Variants in ACSBG2 observed in about 807,000 individuals in gnomAD.
The protein encoded by ACSBG2 is acyl-CoA synthetase bubblegum family member 2.
In ACSBG2, 62 loss-of-function variants were observed where a neutral mutation model predicts 74.7. The ratio of observed to expected loss-of-function variants is 0.83; its 90% CI spans 0.68 to 1.03. The LOEUF (loss-of-function observed/expected upper bound fraction) is 1.03. ACSBG2 is among the 50% of genes least tolerant of loss of function. The pLI, the probability that ACSBG2 is intolerant of heterozygous loss-of-function variation, is 0.00. For synonymous variants in ACSBG2, 309 were observed against 294.1 expected, an observed-to-expected ratio of 1.05 and a Z score of -0.52; for missense variants, 730 against 817.6, an observed-to-expected ratio of 0.89 and a Z score of 1.31.
intron 1 of ACSBG2, among the ~76,000 whole-genome samples, chr19:6,138,173 T>C (rs543204373): frequency 1.3e-5 from 2 of 152,318 alleles, no homozygotes; most frequent in African/African-American, 4.8e-5. Context: ...TTCCTTTCTC[T>C]AACTTCACCC....
intron 7 of ACSBG2, among the ~76,000 whole-genome samples, chr19:6,176,826 A>G (rs1016783536): frequency 6.6e-6 from 1 of 152,124 alleles, no homozygotes; most frequent in African/African-American, 2.4e-5. Context: ...ATAAGTGTTT[A>G]CTTAATTAGT....
intron 3 of ACSBG2, among the ~76,000 whole-genome samples, chr19:6,150,340 CAAAA>C (rs780596761): frequency 4.4e-5 from 3 of 68,386 alleles, no homozygotes; most frequent in Non-Finnish European, 6.4e-5. Flanking sequence ...GGATATTTAA[CAAAA>C]AAAAAAAAAA....
intron 4 of ACSBG2, among the ~76,000 whole-genome samples, chr19:6,156,130 C>A (rs1312240086): frequency 6.6e-6 from 1 of 152,062 alleles, no homozygotes; most frequent in Non-Finnish European, 1.5e-5. Flanking sequence ...AGGTCTAACA[C>A]CTACTTGCTG....
chr19:6,165,975 CCA>C lies in ACSBG2; in HGVS notation c.701_702del (p.Thr234ArgfsTer11). On this transcript the variant is annotated frameshift_variant, in exon 7 of 15. Coordinates refer to ENST00000588485, the MANE Select transcript of ACSBG2 (RefSeq NM_030924.5). LOFTEE classifies it high-confidence loss of function. The stretch of plus-strand genomic sequence containing the variant: ...GCAGTGCTCATCTACACTTCAGGGA[CCA>C]CAGGCATACCCAAGGGAGTGATGCT... 1 of 1,614,130 alleles carries C rather than the reference CCA, an allele frequency of 6.2e-7. No homozygotes were observed. Among genetic ancestry groups the C allele is most frequent in the Non-Finnish European group, 8.5e-7 (1 of 1,179,990 alleles).
At chr19:6,138,759 A>G (rs2088700617) in intron 1 of ACSBG2, among the ~76,000 whole-genome samples, 1 of 148,888 alleles carries the variant, frequency 6.7e-6, no homozygotes, top group South Asian at 2.2e-4. Flanking sequence ...AATGGGAAAA[A>G]GGAAGGAAGG....
chr19:6,139,638 C>G (rs1249320527), intron 1 of ACSBG2, among the ~76,000 whole-genome samples: 1 of 152,168 alleles, frequency 6.6e-6, no homozygotes, highest in African/African-American at 2.4e-5. Flanking sequence ...TTATCATGAA[C>G]AAAATCGTAC....
At chr19:6,161,761 C>T (rs183173163) in intron 6 of ACSBG2, among the ~76,000 whole-genome samples, 3 of 151,972 alleles carry the variant, frequency 2.0e-5, no homozygotes, top group Admixed American at 1.3e-4. Flanking sequence ...AGGACGTAGG[C>T]GGGACCTTTG....
At chr19:6,190,270 A>C (rs1427641561) in intron 13 of ACSBG2, 1 of 257,354 alleles carries the variant, frequency 3.9e-6, no homozygotes, top group Non-Finnish European at 7.8e-6. Flanking sequence ...CAGTTTCCTC[A>C]CCTGTAAAAT....
chr19:6,183,378 T>C (rs2090317390), intron 10 of ACSBG2, 106 bp downstream of exon 10: 1 of 931,286 alleles, frequency 1.1e-6, no homozygotes, highest in Non-Finnish European at 1.6e-6. Flanking sequence ...CCTGACGTGG[T>C]GTCTCCAGAA....
In ACSBG2 at chr19:6,180,713, C is replaced by T. The variant is rs1413699010; in HGVS notation, c.907-2038C>T. ...TACAGTTTCTCTACATCTTCACTAACGCATGTTACTATCTGTTTTATTATT... is the reference window on the plus strand; with the variant it reads ...TACAGTTTCTCTACATCTTCACTAATGCATGTTACTATCTGTTTTATTATT... On this transcript the variant is annotated intron_variant, in intron 8 of 14. Coordinates refer to ENST00000588485, the MANE Select transcript of ACSBG2 (RefSeq NM_030924.5). The surrounding 1 kb of genome is among the most constrained non-coding windows in gnomAD (Gnocchi z 4.3). Among the ~76,000 whole-genome samples the T allele has an allele frequency of 3.3e-5, 5 of 152,184 alleles. No individual in the cohort carries two copies. The highest frequency in any genetic ancestry group is 4.1e-4 in the South Asian group (2 of 4,834).
At chr19:6,146,749 A>G (rs963076297) in intron 2 of ACSBG2, among the ~76,000 whole-genome samples, 1 of 151,532 alleles carries the variant, frequency 6.6e-6, no homozygotes, top group Non-Finnish European at 1.5e-5. Flanking sequence ...TGGGCAAGAA[A>G]AGCAAAGCTC....
At chr19:6,163,513 G>T (rs1253237192) in intron 6 of ACSBG2, among the ~76,000 whole-genome samples, 1 of 149,548 alleles carries the variant, frequency 6.7e-6, no homozygotes, top group African/African-American at 2.4e-5. Context: ...AGCCGAGGTG[G>T]GTGGATAACC....
chr19:6,176,468 G>A (rs1056485147), intron 7 of ACSBG2: 12 of 1,314,966 alleles, frequency 9.1e-6, no homozygotes, highest in Admixed American at 7.1e-5. Context: ...ACAATCCAAG[G>A]TGCCTTATAC....
intron 11 of ACSBG2, among the ~76,000 whole-genome samples, chr19:6,186,903 C>CTAGCACCA (rs1474429448): frequency 1.3e-5 from 2 of 152,042 alleles, no homozygotes; most frequent in Non-Finnish European, 2.9e-5. Context: ...CACTGTGTTG[C>CTAGCACCA]CCAGGTTGGT....
intron 7 of ACSBG2, among the ~76,000 whole-genome samples, chr19:6,176,724 ATTATAGT>A (rs1375280226): frequency 6.6e-6 from 1 of 152,074 alleles, no homozygotes; most frequent in African/African-American, 2.4e-5. Flanking sequence ...TTTTGGGAGA[ATTATAGT>A]TACCAACCCC....
intron 7 of ACSBG2, 22 bp downstream of exon 7, chr19:6,166,037 C>T (rs761652986): frequency 6.2e-7 from 1 of 1,612,938 alleles, no homozygotes; most frequent in Admixed American, 1.7e-5. Context: ...TCCCTTTGCT[C>T]TGGAGTGGTG....
At chr19:6,192,360 C>A (rs1018868531) in intron 14 of ACSBG2, among the ~76,000 whole-genome samples, 1 of 152,264 alleles carries the variant, frequency 6.6e-6, no homozygotes, top group East Asian at 1.9e-4. Flanking sequence ...TGGCCTCAAG[C>A]GATCCTCCTG....
intron 5 of ACSBG2, 116 bp from the exon 6 acceptor site, chr19:6,161,099 C>CA (rs56273613): frequency 0.06 from 33,285 of 551,606 alleles, 1,095 homozygotes; most frequent in African/African-American, 0.23. Context: ...GACTGTGTCT[C>CA]AAAAAAAAAA....
At position 6,158,935 on chromosome 19, in the gene ACSBG2, TTTTTC is replaced by T. The variant is rs551526408; in HGVS notation, c.508-2265_508-2261del. The stretch of plus-strand genomic sequence containing the variant: ...CTTTTAAAAATTCTTTTCTTTTTTC[TTTTTC>T]TTTTCTTTTCTTTTTTTGTTTGTTT... On this transcript the variant is annotated intron_variant, in intron 5 of 14. Coordinates refer to ENST00000588485, the MANE Select transcript of ACSBG2 (RefSeq NM_030924.5). Among the ~76,000 whole-genome samples, 306 of 152,186 alleles carry T rather than the reference TTTTTC, an allele frequency of 2.0e-3. 2 individuals carry two copies. The highest frequency in any genetic ancestry group is 6.8e-3 in the African/African-American group (283 of 41,544).
Sources: allele counts gnomAD v4.1 joint callset (sites outside exome capture counted in the v4.1 genomes callset), GRCh38; gene constraint gnomAD v4.1.1; non-coding constraint Gnocchi (gnomAD v3.1); transcripts MANE v1.5; gene names NCBI Gene and HGNC (gene_info 2026-07-23, HGNC 2026-07-21).